KIAA0586: variants seen among roughly 807,000 people sequenced by gnomAD.
KIAA0586 encodes the protein KIAA0586, also known as protein TALPID3.
KIAA0586 carries 144 observed loss-of-function variants against 169.8 expected under a neutral mutation model. The observed-to-expected ratio is 0.85, with a 90% CI of 0.74 to 0.97. The LOEUF (loss-of-function observed/expected upper bound fraction) is 0.97, where lower values mean the gene tolerates loss of function less well. Among genes scored for constraint, KIAA0586 ranks in the 50% least tolerant of loss-of-function variants. The probability of loss-of-function intolerance (pLI) is 0.00; values close to 1 mark genes in which losing one functional copy is unlikely to be tolerated. For synonymous variants in KIAA0586, 625 were observed against 612.4 expected (o/e 1.02, Z -0.30); for missense variants, 1,854 against 1,823.0 (o/e 1.02, Z -0.31).
chr14:58,538,252 C>G (rs2046422716), intron 29 of KIAA0586, among the ~76,000 whole-genome samples: 1 of 152,186 alleles, frequency 6.6e-6, no homozygotes, highest in African/African-American at 2.4e-5. Flanking sequence ...TTTGTCCACA[C>G]TCTTGTCCTT....
At chr14:58,532,660 C>G (rs1258351510) in intron 29 of KIAA0586, among the ~76,000 whole-genome samples, 1 of 151,846 alleles carries the variant, frequency 6.6e-6, no homozygotes, top group South Asian at 2.1e-4. Context: ...TGTAATACAC[C>G]TCATTATTTT....
At chr14:58,503,591 A>G (rs1371158185) in intron 27 of KIAA0586, among the ~76,000 whole-genome samples, 4 of 152,194 alleles carry the variant, frequency 2.6e-5, no homozygotes, top group Admixed American at 6.5e-5. Context: ...CATAGTAGAT[A>G]AGAAAGCAAA....
intron 27 of KIAA0586, among the ~76,000 whole-genome samples, chr14:58,503,087 T>A (rs374250040): frequency 1.3e-5 from 2 of 152,208 alleles, no homozygotes; most frequent in East Asian, 3.8e-4. Context: ...TTGGGAAACC[T>A]AAAATGTAAG....
chr14:58,499,627 C>T (rs2043413145), intron 27 of KIAA0586, among the ~76,000 whole-genome samples: 2 of 151,934 alleles, frequency 1.3e-5, no homozygotes, highest in South Asian at 2.1e-4. Flanking sequence ...GGCACAATCT[C>T]GGCTCACTGC....
intron 30 of KIAA0586, among the ~76,000 whole-genome samples, chr14:58,544,750 C>T (rs1397681171): frequency 1.3e-5 from 2 of 152,174 alleles, no homozygotes; most frequent in African/African-American, 4.8e-5. Context: ...GGATATTAGA[C>T]CGTAGATTTG....
chr14:58,510,835 C>G (rs926309552), intron 28 of KIAA0586, among the ~76,000 whole-genome samples: 1 of 142,660 alleles, frequency 7.0e-6, no homozygotes, highest in East Asian at 2.0e-4. Context: ...ATGGTTCTTA[C>G]AAAAGTTATG....
chr14:58,530,939 C>A (rs2045917660), intron 29 of KIAA0586, among the ~76,000 whole-genome samples: 1 of 152,064 alleles, frequency 6.6e-6, no homozygotes, highest in South Asian at 2.1e-4. Context: ...TGCAATCTAT[C>A]CATCTGACAA....
chr14:58,451,011 C>T (rs1436248853), intron 8 of KIAA0586, among the ~76,000 whole-genome samples: 15 of 123,320 alleles, frequency 1.2e-4, no homozygotes, highest in Admixed American at 2.9e-4. Context: ...TTTTCTGAGA[C>T]GGAGTCTCGC....
At chr14:58,546,429 A>G (rs1342683063) in intron 30 of KIAA0586, among the ~76,000 whole-genome samples, 1 of 152,212 alleles carries the variant, frequency 6.6e-6, no homozygotes, top group Non-Finnish European at 1.5e-5. Context: ...AATTTAATGA[A>G]AAATTCTATG....
rs1460769507 is a variant in KIAA0586 at position 58,487,125 on chromosome 14, A to T, written c.3263A>T (p.His1088Leu). 1 of 1,613,556 alleles carries T rather than the reference A, an allele frequency of 6.2e-7. No homozygotes were observed. Among genetic ancestry groups the T allele is most frequent in the Non-Finnish European group, 8.5e-7 (1 of 1,179,672 alleles). Residue 1088 changes from histidine to leucine, a missense_variant, in exon 22 of 31, where the codon CAT (histidine) becomes CTT (leucine). Transcript: ENST00000652326. ...GATTCTTCTCCCTGTGATTCGGATC[A>T]TGATATGGCTTTTCCTGTGAAAGAA... ...TPDSSPCDSD[H>L]DMAFPVKEIC...
At position 58,442,885 on chromosome 14, in the gene KIAA0586, A is replaced by G. The variant is rs2038522249; in HGVS notation, c.585+5A>G. ...ACCGCAGCTCCGTTGATAAAGGTAT[A>G]TTTTTCTTCCCAGATAATCATAACT... is the stretch of plus-strand genomic sequence containing the variant. On this transcript the variant is annotated splice_donor_5th_base_variant and intron_variant, in intron 5 of 30. Coordinates refer to ENST00000652326, the MANE Select transcript of KIAA0586 (RefSeq NM_001329943.3). 2.5e-6 allele frequency: 4 copies of G among 1,592,208 alleles called. No homozygotes were observed. The highest frequency in any genetic ancestry group is 3.6e-5 in the Admixed American group (2 of 55,646).
chr14:58,543,735 C>T (rs1193853788), intron 30 of KIAA0586: 5 of 345,848 alleles, frequency 1.4e-5, no homozygotes, highest in Admixed American at 3.9e-5. Flanking sequence ...TACTAAGTCT[C>T]CATCCAAAAT....
chr14:58,460,960 T>A, intron 13 of KIAA0586, 26 bp from the exon 14 acceptor site: 1 of 1,486,382 alleles, frequency 6.7e-7, no homozygotes, highest in Non-Finnish European at 9.0e-7. Context: ...GTTTTCATGG[T>A]GAGTTGAATA....
At chr14:58,472,397 T>A (rs2041293785) in intron 18 of KIAA0586, 118 bp downstream of exon 18, 2 of 469,592 alleles carry the variant, frequency 4.3e-6, no homozygotes, top group South Asian at 1.0e-4. Flanking sequence ...TCTTTTACTT[T>A]TGAGTTAAAT....
intron 27 of KIAA0586, among the ~76,000 whole-genome samples, chr14:58,507,724 G>A (rs1743698): frequency 0.98 from 149,129 of 152,262 alleles, 73,100 homozygotes; most frequent in Non-Finnish European, 1. Flanking sequence ...TAGATACATA[G>A]ATATCTCTGC....
chr14:58,430,766 C>A, intron 3 of KIAA0586, 49 bp downstream of exon 3: 2 of 1,060,840 alleles, frequency 1.9e-6, no homozygotes, highest in Non-Finnish European at 2.9e-6. Flanking sequence ...ATATACATAA[C>A]ATAAAGTTTA....
chr14:58,529,079 C>T (rs1220500963), intron 29 of KIAA0586, among the ~76,000 whole-genome samples: 1 of 152,194 alleles, frequency 6.6e-6, no homozygotes, highest in African/African-American at 2.4e-5. Flanking sequence ...ATAAACACCT[C>T]TACACAAATT....
In KIAA0586 at chr14:58,479,050, T is replaced by A. The variant is rs1479491460; in HGVS notation, c.2944+1809T>A. Among the ~76,000 whole-genome samples the A allele has an allele frequency of 2.0e-5, 3 of 152,310 alleles. No homozygotes were observed. The East Asian group carries it at 5.8e-4, about 29-fold the overall frequency. Reference sequence around the variant, plus strand: ...AATCTTTGTGTAGAAACCTTTTAATTTTGGTTGGTCATATGATAAGTAAAT... The same window carrying A: ...AATCTTTGTGTAGAAACCTTTTAATATTGGTTGGTCATATGATAAGTAAAT... On this transcript the variant is annotated intron_variant, in intron 20 of 30. Coordinates refer to ENST00000652326, the MANE Select transcript of KIAA0586 (RefSeq NM_001329943.3).
chr14:58,428,350 A>C lies in KIAA0586; in HGVS notation c.86A>C (p.His29Pro). The change falls in exon 1 of 31, where the codon CAT becomes CCT. Residue 29 changes from histidine to proline, a missense_variant. Coordinates refer to ENST00000652326, the MANE Select transcript of KIAA0586 (RefSeq NM_001329943.3). ...CTTCGTGAGGTAGTTTCTCAAAATC[A>C]TGGAGATCATTTGGTTTTGCTGAAA... The part of the protein sequence containing the change: ...KRLREVVSQN[H>P]GDHLVLLKDE... The C allele has an allele frequency of 6.2e-7, 1 of 1,613,998 alleles. No individual in the cohort carries two copies.
Sources: gnomAD v4.1 joint callset for allele counts (sites outside exome capture counted in the v4.1 genomes callset) on GRCh38, gnomAD v4.1.1 for gene constraint, MANE v1.5 for transcripts, NCBI Gene and HGNC (gene_info 2026-07-23, HGNC 2026-07-21) for gene names.